ELMO1: variants seen among roughly 807,000 people sequenced by gnomAD.
The protein encoded by ELMO1 is engulfment and cell motility protein 1.
Under a neutral mutation model 98.9 loss-of-function variants are expected in ELMO1, and 26 were observed. The ratio of observed to expected loss-of-function variants is 0.26; its 90% CI spans 0.19 to 0.36. The LOEUF (loss-of-function observed/expected upper bound fraction) is 0.36. ELMO1 is among the 10% of genes least tolerant of loss of function. The pLI, the probability that ELMO1 is intolerant of heterozygous loss-of-function variation, is 1.00. For missense variants in ELMO1, 627 were observed against 935.2 expected, an observed-to-expected ratio of 0.67 and a Z score of 4.30; for synonymous variants, 346 against 346.0, an observed-to-expected ratio of 1.00 and a Z score of 0.00.
At chr7:37,045,982 C>T (rs1395280810) in intron 15 of ELMO1, among the ~76,000 whole-genome samples, 1 of 152,222 alleles carries the variant, frequency 6.6e-6, no homozygotes, top group Non-Finnish European at 1.5e-5. Context: ...ACCCAGCTGG[C>T]CCTTGAGCCC....
intron 16 of ELMO1, among the ~76,000 whole-genome samples, chr7:36,980,553 T>G (rs570322570): frequency 3.9e-5 from 6 of 152,224 alleles, no homozygotes; most frequent in Non-Finnish European, 8.8e-5. Context: ...GAAACCACAC[T>G]TTAAAGCATT....
At chr7:37,078,859 A>G (rs1278780261) in intron 15 of ELMO1, among the ~76,000 whole-genome samples, 2 of 152,198 alleles carry the variant, frequency 1.3e-5, no homozygotes, top group African/African-American at 4.8e-5. Flanking sequence ...GTTACAATAT[A>G]TTAAATAATA....
intron 6 of ELMO1, among the ~76,000 whole-genome samples, chr7:37,247,345 T>C (rs1795069229): frequency 6.6e-6 from 1 of 152,150 alleles, no homozygotes; most frequent in South Asian, 2.1e-4. Flanking sequence ...GTAAAACCAG[T>C]CCTAAAGTCA....
At chr7:37,187,826 G>C (rs993374430) in intron 13 of ELMO1, among the ~76,000 whole-genome samples, 1 of 152,112 alleles carries the variant, frequency 6.6e-6, no homozygotes, top group Non-Finnish European at 1.5e-5. Flanking sequence ...AATTCACAGT[G>C]ACTGAGACAG....
At chr7:37,432,819 A>G (rs1804986067) in intron 1 of ELMO1, among the ~76,000 whole-genome samples, 1 of 152,242 alleles carries the variant, frequency 6.6e-6, no homozygotes, top group South Asian at 2.1e-4. Flanking sequence ...AAAGCCAAGA[A>G]ACGTTTTCTA....
At chr7:37,283,550 G>T (rs571618859) in intron 4 of ELMO1, among the ~76,000 whole-genome samples, 1 of 152,328 alleles carries the variant, frequency 6.6e-6, no homozygotes, top group South Asian at 2.1e-4. Flanking sequence ...TGTGAATCTT[G>T]GACTTGGCCT....
At chr7:37,357,369 G>C (rs1407507170) in intron 1 of ELMO1, among the ~76,000 whole-genome samples, 1 of 152,120 alleles carries the variant, frequency 6.6e-6, no homozygotes, top group African/African-American at 2.4e-5. Flanking sequence ...GCTATAGTAG[G>C]CATAATCCAC....
At chr7:37,305,960 AG>A (rs1798594467) in intron 4 of ELMO1, among the ~76,000 whole-genome samples, 1 of 152,178 alleles carries the variant, frequency 6.6e-6, no homozygotes, top group Non-Finnish European at 1.5e-5. Context: ...AGCAGAGAGG[AG>A]GGGTAGAGAT....
At chr7:37,060,123 G>T (rs546997437) in intron 15 of ELMO1, among the ~76,000 whole-genome samples, 1 of 152,306 alleles carries the variant, frequency 6.6e-6, no homozygotes, top group East Asian at 1.9e-4. Context: ...TTCATAAAGA[G>T]AACCTAAATT....
intron 1 of ELMO1, among the ~76,000 whole-genome samples, chr7:37,404,095 C>T (rs940691936): frequency 1.3e-5 from 2 of 151,762 alleles, no homozygotes; most frequent in Non-Finnish European, 2.9e-5. Flanking sequence ...GGAAAAAAAG[C>T]AAGAGAAAAT....
chr7:37,120,230 G>A (rs1296054366), intron 14 of ELMO1, among the ~76,000 whole-genome samples: 1 of 152,222 alleles, frequency 6.6e-6, no homozygotes, highest in African/African-American at 2.4e-5. Flanking sequence ...GAAAACGGGT[G>A]ATTTCTGCAT....
At chr7:37,081,405 A>C (rs1797859890) in intron 15 of ELMO1, among the ~76,000 whole-genome samples, 2 of 152,260 alleles carry the variant, frequency 1.3e-5, no homozygotes, top group Non-Finnish European at 2.9e-5. Flanking sequence ...GTTCATTTTT[A>C]TAATAAAATC....
intron 1 of ELMO1, among the ~76,000 whole-genome samples, chr7:37,346,333 G>A (rs985146584): frequency 6.6e-6 from 1 of 152,102 alleles, no homozygotes; most frequent in African/African-American, 2.4e-5. Flanking sequence ...TTAAAATTTC[G>A]CATCCTCTTT....
intron 4 of ELMO1, among the ~76,000 whole-genome samples, chr7:37,308,364 C>G (rs1235801475): frequency 2.0e-5 from 3 of 152,178 alleles, no homozygotes; most frequent in Non-Finnish European, 4.4e-5. Context: ...CCTTGACAAT[C>G]AGGGCATATG....
At chr7:37,410,799 GA>G (rs958957022) in intron 1 of ELMO1, among the ~76,000 whole-genome samples, 1 of 152,156 alleles carries the variant, frequency 6.6e-6, no homozygotes, top group South Asian at 2.1e-4. Context: ...TCCTGTTGGA[GA>G]AAAAAACTGC....
intron 15 of ELMO1, among the ~76,000 whole-genome samples, chr7:37,067,405 T>A (rs561383758): frequency 2.0e-5 from 3 of 152,338 alleles, no homozygotes; most frequent in Middle Eastern, 3.4e-3. Flanking sequence ...TAAACGTATG[T>A]GCAACAAAGA....
intron 13 of ELMO1, among the ~76,000 whole-genome samples, chr7:37,190,375 G>GT (rs1791491057): frequency 6.6e-6 from 1 of 152,146 alleles, no homozygotes; most frequent in Admixed American, 6.5e-5. Context: ...TTTAATCTAA[G>GT]TTTTGTACCT....
chr7:37,374,168 T>C (rs1802230781), intron 1 of ELMO1, among the ~76,000 whole-genome samples: 1 of 152,172 alleles, frequency 6.6e-6, no homozygotes, highest in Non-Finnish European at 1.5e-5. Flanking sequence ...GGGTGCACAA[T>C]GATCCATCGG....
intron 4 of ELMO1, among the ~76,000 whole-genome samples, chr7:37,298,638 A>AT (rs1311292661): frequency 7.3e-6 from 1 of 137,006 alleles, no homozygotes; most frequent in African/African-American, 2.8e-5. Flanking sequence ...TGAACTCATC[A>AT]TTTTTTATGG....
Sources: allele counts gnomAD v4.1 joint callset (sites outside exome capture counted in the v4.1 genomes callset), GRCh38; gene constraint gnomAD v4.1.1; transcripts MANE v1.5; gene names NCBI Gene and HGNC (gene_info 2026-07-23, HGNC 2026-07-21).